The following PDSS2 variants were observed in gnomAD, a reference collection of about 807,000 sequenced individuals.
The protein encoded by PDSS2 is decaprenyl diphosphate synthase subunit 2, also known as all trans-polyprenyl-diphosphate synthase PDSS2.
PDSS2 carries 31 observed loss-of-function variants against 44.5 expected under a neutral mutation model. The ratio of observed to expected loss-of-function variants is 0.70; its 90% CI spans 0.52 to 0.94. The LOEUF (loss-of-function observed/expected upper bound fraction) is 0.94. Ranked by LOEUF, PDSS2 falls within the 40% of genes least tolerant of loss-of-function variation. The pLI is 0.00. For missense variants in PDSS2, 452 were observed against 482.2 expected (o/e 0.94, Z 0.59); for synonymous variants, 157 against 180.3 (o/e 0.87, Z 1.03).
intron 1 of PDSS2, among the ~76,000 whole-genome samples, chr6:107,386,370 G>T (rs1779610542): frequency 7.6e-6 from 1 of 132,168 alleles, no homozygotes; most frequent in Non-Finnish European, 1.7e-5. Context: ...CATTGTATAT[G>T]TCATTTTCTA....
intron 4 of PDSS2, among the ~76,000 whole-genome samples, chr6:107,234,800 T>C (rs970319467): frequency 1.1e-4 from 16 of 152,172 alleles, no homozygotes; most frequent in African/African-American, 3.9e-4. Flanking sequence ...ACACTAAACA[T>C]GCACTTAGGG....
intron 6 of PDSS2, among the ~76,000 whole-genome samples, chr6:107,201,305 C>T (rs1400957645): frequency 7.2e-6 from 1 of 139,274 alleles, no homozygotes; most frequent in East Asian, 2.2e-4. Flanking sequence ...TGAAAATAGA[C>T]AAGATAGTGT....
At position 107,375,318 on chromosome 6, in the gene PDSS2, G is replaced by A. The variant is rs1779253201; in HGVS notation, c.297-40986C>T. On this transcript the variant is annotated intron_variant, in intron 1 of 7. Transcript: ENST00000369037. ...ATCTTTTGAAAAGATATATAAACCA[G>A]ATACACCTCTAGCCAAAATGATTAT... Among the ~76,000 whole-genome samples, 3 of 152,066 alleles carry A rather than the reference G, an allele frequency of 2.0e-5. No individual in the cohort carries two copies. In the South Asian group the frequency reaches 6.2e-4, roughly 31 times the overall value.
intron 1 of PDSS2, among the ~76,000 whole-genome samples, chr6:107,417,766 A>G (rs1780706142): frequency 8.2e-6 from 1 of 121,244 alleles, no homozygotes; most frequent in Admixed American, 1.0e-4. Flanking sequence ...TCTTCAAAAA[A>G]ATTAATAATA....
intron 1 of PDSS2, among the ~76,000 whole-genome samples, 169 bp from the exon 2 acceptor site, chr6:107,334,501 AAACAAC>A (rs1224872909): frequency 6.7e-6 from 1 of 150,028 alleles, no homozygotes; most frequent in Non-Finnish European, 1.5e-5. Flanking sequence ...TGAGTTCAGG[AAACAAC>A]TAGAGAAATC....
rs367681147 is a variant in PDSS2, at chr6:107,422,617, AAT to A, written c.296+36371_296+36372del. ...TATTATGGAATATTCATTATAATGA[AAT>A]ATCACGTAGTTGTTAAAATTATGTT... is the stretch of plus-strand genomic sequence containing the variant. On this transcript the variant is annotated intron_variant, in intron 1 of 7. Transcript: ENST00000369037. 5.3e-4 allele frequency among the ~76,000 whole-genome samples: 81 copies of A among 152,204 alleles called. 1 individual carries two copies. In the East Asian group the frequency reaches 0.011, roughly 21 times the overall value.
intron 7 of PDSS2, among the ~76,000 whole-genome samples, chr6:107,187,431 G>A (rs974509479): frequency 5.6e-4 from 85 of 152,264 alleles, no homozygotes; most frequent in African/African-American, 1.9e-3. Context: ...TTGGGAGGCC[G>A]AGGTGGGCAG....
chr6:107,384,565 C>T (rs1244106128), intron 1 of PDSS2, among the ~76,000 whole-genome samples: 1 of 151,074 alleles, frequency 6.6e-6, no homozygotes, highest in Non-Finnish European at 1.5e-5. Context: ...TGCTGGAACC[C>T]GGGAGGCAGA....
intron 4 of PDSS2, among the ~76,000 whole-genome samples, chr6:107,234,786 AG>A (rs1774171371): frequency 6.6e-6 from 1 of 152,208 alleles, no homozygotes; most frequent in African/African-American, 2.4e-5. Flanking sequence ...TGTACCCAAT[AG>A]ACACACTAAA....
chr6:107,312,908 T>C (rs553610951), intron 2 of PDSS2, among the ~76,000 whole-genome samples: 3 of 152,334 alleles, frequency 2.0e-5, no homozygotes, highest in Admixed American at 2.0e-4. Flanking sequence ...ATTTTATACA[T>C]GAGTATCCTG....
intron 1 of PDSS2, among the ~76,000 whole-genome samples, chr6:107,400,916 C>T (rs867823187): frequency 2.3e-4 from 35 of 152,294 alleles, no homozygotes; most frequent in Admixed American, 1.3e-4. Context: ...GTCTCCTTCC[C>T]GAGCACTGTG....
intron 1 of PDSS2, among the ~76,000 whole-genome samples, chr6:107,417,288 TA>T (rs1780691553): frequency 3.3e-5 from 5 of 152,176 alleles, no homozygotes; most frequent in Admixed American, 3.3e-4. Flanking sequence ...AAAATCTTTC[TA>T]AAATGATAAT....
At chr6:107,307,565 T>G (rs908448986) in intron 2 of PDSS2, among the ~76,000 whole-genome samples, 1 of 152,012 alleles carries the variant, frequency 6.6e-6, no homozygotes, top group African/African-American at 2.4e-5. Flanking sequence ...GGTGGCTGTC[T>G]ATATTATTGT....
intron 6 of PDSS2, among the ~76,000 whole-genome samples, chr6:107,200,834 T>A (rs1190604758): frequency 6.6e-6 from 1 of 151,960 alleles, no homozygotes; most frequent in Admixed American, 6.6e-5. Context: ...GCCTGGATAA[T>A]TTTTGTATTT....
rs550453609 is a variant in PDSS2, at chr6:107,446,778, C to T, written c.296+12212G>A. 5.3e-5 allele frequency among the ~76,000 whole-genome samples: 8 copies of T among 152,162 alleles called. No individual in the cohort carries two copies. The South Asian group carries it at 1.7e-3, about 32-fold the overall frequency. ...GAGAACTCACTCACTATCATGAGAA[C>T]AGCCCCAATGATTAAATTATCTCCC... On this transcript the variant is annotated intron_variant, in intron 1 of 7. Coordinates refer to ENST00000369037, the MANE Select transcript of PDSS2 (RefSeq NM_020381.4).
chr6:107,368,861 C>T (rs541793449), intron 1 of PDSS2, among the ~76,000 whole-genome samples: 5 of 152,080 alleles, frequency 3.3e-5, no homozygotes, highest in Non-Finnish European at 7.4e-5. Context: ...CTAGAATAGG[C>T]AACACTACCT....
At chr6:107,271,973 A>C (rs1301916264) in intron 3 of PDSS2, among the ~76,000 whole-genome samples, 2 of 151,944 alleles carry the variant, frequency 1.3e-5, no homozygotes, top group Admixed American at 1.3e-4. Context: ...CTGAGGTAGG[A>C]GGATTGCTTC....
At position 107,396,682 on chromosome 6, in the gene PDSS2, T is replaced by TC. The variant is rs1313503762; in HGVS notation, c.296+62307_296+62308insG. ...CTTTTTTTCCTCTTCTTTTTTCTTTTTTTTTTTTTTTTTTTTTTGAGACAG... is the reference window on the plus strand; with the variant it reads ...CTTTTTTTCCTCTTCTTTTTTCTTTTCTTTTTTTTTTTTTTTTTTGAGACAG... On this transcript the variant is annotated intron_variant, in intron 1 of 7. Coordinates refer to ENST00000369037, the MANE Select transcript of PDSS2 (RefSeq NM_020381.4). Among the ~76,000 whole-genome samples, 9 of 59,848 alleles carry TC rather than the reference T, an allele frequency of 1.5e-4. No individual in the cohort carries two copies. The East Asian group carries it at 2.2e-3, about 15-fold the overall frequency. The allele number at this position is 59,848 out of a possible 152,430, so 39.3% of individuals were successfully genotyped here.
At chr6:107,304,986 C>T (rs1776810885) in intron 2 of PDSS2, among the ~76,000 whole-genome samples, 1 of 151,894 alleles carries the variant, frequency 6.6e-6, no homozygotes, top group Admixed American at 6.6e-5. Flanking sequence ...TATCCCCCAG[C>T]CCTGACCAGT....
Sources: allele counts gnomAD v4.1 joint callset (sites outside exome capture counted in the v4.1 genomes callset), GRCh38; gene constraint gnomAD v4.1.1; transcripts MANE v1.5; gene names NCBI Gene and HGNC (gene_info 2026-07-23, HGNC 2026-07-21).